Variants in WWOX observed in about 807,000 individuals in gnomAD.
WWOX encodes the protein WW domain-containing oxidoreductase.
WWOX carries 69 observed loss-of-function variants against 46.2 expected under a neutral mutation model. The observed-to-expected ratio is 1.49, with a 90% CI of 1.23 to 1.82. WWOX has a LOEUF of 1.82. Among genes scored for constraint, WWOX ranks in the 40% most tolerant of loss-of-function variants. The pLI is 0.00. For synonymous variants in WWOX, 359 were observed against 202.6 expected, an observed-to-expected ratio of 1.77 and a Z score of -6.56; for missense variants, 919 against 542.6, an observed-to-expected ratio of 1.69 and a Z score of -6.89.
chr16:78,450,139 A>T (rs2083658673), intron 8 of WWOX, among the ~76,000 whole-genome samples: 1 of 152,226 alleles, frequency 6.6e-6, no homozygotes, highest in African/African-American at 2.4e-5. Flanking sequence ...TTAAAAATGT[A>T]TAATAAAGTA....
chr16:78,605,656 A>C (rs1018656400), intron 8 of WWOX, among the ~76,000 whole-genome samples: 11 of 152,194 alleles, frequency 7.2e-5, no homozygotes, highest in African/African-American at 2.4e-4. Context: ...GCTATCCAGA[A>C]TTACAACTCC....
intron 5 of WWOX, among the ~76,000 whole-genome samples, chr16:78,214,711 C>T (rs577869553): frequency 6.6e-6 from 1 of 152,268 alleles, no homozygotes; most frequent in African/African-American, 2.4e-5. Flanking sequence ...CAGCAACGCT[C>T]CATTCAGTTT....
At chr16:78,719,765 G>C (rs947443555) in intron 8 of WWOX, among the ~76,000 whole-genome samples, 1 of 152,138 alleles carries the variant, frequency 6.6e-6, no homozygotes, top group Non-Finnish European at 1.5e-5. Flanking sequence ...ATCAAGTTAA[G>C]AATGAATTTG....
chr16:79,124,053 T>G (rs1343943426), intron 8 of WWOX, among the ~76,000 whole-genome samples: 2 of 152,172 alleles, frequency 1.3e-5, no homozygotes, highest in Non-Finnish European at 2.9e-5. Context: ...TTTCTTTGCC[T>G]CTTAAGTGTG....
At chr16:78,845,481 A>G (rs2052274683) in intron 8 of WWOX, among the ~76,000 whole-genome samples, 1 of 152,168 alleles carries the variant, frequency 6.6e-6, no homozygotes, top group Admixed American at 6.5e-5. Context: ...ATGCTCATGG[A>G]TTCTCTTTTA....
In WWOX at chr16:78,422,836, TATACATATACACACAC is replaced by T. The variant is rs2082978283; in HGVS notation, c.606-2032_606-2017del. 1.1e-4 allele frequency among the ~76,000 whole-genome samples: 12 copies of T among 106,704 alleles called. No individual in the cohort carries two copies. The South Asian group carries it at 2.4e-3, about 21-fold the overall frequency. The allele number at this position is 106,704 out of a possible 152,430, so 70.0% of individuals were successfully genotyped here. ...ATATATATACACACACATATATATA[TATACATATACACACAC>T]ACACACACACACACACACACACACA... On this transcript the variant is annotated intron_variant, in intron 6 of 8. Coordinates refer to ENST00000566780, the MANE Select transcript of WWOX (RefSeq NM_016373.4).
chr16:78,765,178 G>A (rs763110309), intron 8 of WWOX, among the ~76,000 whole-genome samples: 1 of 152,204 alleles, frequency 6.6e-6, no homozygotes, highest in African/African-American at 2.4e-5. Flanking sequence ...GTGGGGATTG[G>A]GGTGGGATAT....
At chr16:78,664,294 C>T (rs1003248146) in intron 8 of WWOX, among the ~76,000 whole-genome samples, 2 of 152,196 alleles carry the variant, frequency 1.3e-5, no homozygotes, top group African/African-American at 2.4e-5. Context: ...TCTTCATGTA[C>T]ACACCCTGAC....
chr16:78,837,129 AAAAG>A (rs2052008971), intron 8 of WWOX, among the ~76,000 whole-genome samples: 3 of 152,302 alleles, frequency 2.0e-5, no homozygotes, highest in African/African-American at 7.2e-5. Context: ...AAAAAGAAGA[AAAAG>A]AAAAAGAGCA....
intron 6 of WWOX, among the ~76,000 whole-genome samples, chr16:78,391,611 G>A (rs1374586145): frequency 6.6e-6 from 1 of 152,202 alleles, no homozygotes; most frequent in Non-Finnish European, 1.5e-5. Context: ...ACCTGGGGAG[G>A]CCGCAGTGGG....
intron 8 of WWOX, among the ~76,000 whole-genome samples, chr16:78,437,486 T>A (rs2083359167): frequency 6.6e-6 from 1 of 152,222 alleles, no homozygotes; most frequent in Non-Finnish European, 1.5e-5. Context: ...TTTGGCTGCC[T>A]GCAATATAAT....
chr16:78,484,990 A>T (rs1184169965), intron 8 of WWOX, among the ~76,000 whole-genome samples: 1 of 152,028 alleles, frequency 6.6e-6, no homozygotes, highest in East Asian at 1.9e-4. Flanking sequence ...CCTTCTGATG[A>T]GCTGACTAAC....
At chr16:78,537,628 A>G (rs1271926798) in intron 8 of WWOX, among the ~76,000 whole-genome samples, 1 of 152,116 alleles carries the variant, frequency 6.6e-6, no homozygotes, top group African/African-American at 2.4e-5. Context: ...AGGCTCGAAG[A>G]AAGAGCTTGG....
At chr16:78,318,728 T>A (rs1027760127) in intron 5 of WWOX, among the ~76,000 whole-genome samples, 7 of 152,190 alleles carry the variant, frequency 4.6e-5, no homozygotes, top group African/African-American at 1.7e-4. Context: ...CTGGCTATTT[T>A]AAAAATTATT....
chr16:78,145,652 G>C (rs2034173486), intron 4 of WWOX, among the ~76,000 whole-genome samples: 2 of 152,064 alleles, frequency 1.3e-5, no homozygotes, highest in African/African-American at 4.8e-5. Context: ...ACACACCCAG[G>C]AACAGCACCT....
At chr16:78,710,486 A>ATATATT (rs1555520976) in intron 8 of WWOX, among the ~76,000 whole-genome samples, 1 of 127,322 alleles carries the variant, frequency 7.9e-6, no homozygotes, top group Non-Finnish European at 1.7e-5. Context: ...ATATATATAT[A>ATATATT]TATATATATA....
rs868649142 is a variant in WWOX, at chr16:78,765,619, C to G, written c.1056+332867C>G. Among the ~76,000 whole-genome samples the G allele has an allele frequency of 2.6e-5, 4 of 152,104 alleles. 1 individual carries two copies. In the East Asian group the frequency reaches 7.7e-4, roughly 29 times the overall value. On this transcript the variant is annotated intron_variant, in intron 8 of 8. Transcript: ENST00000566780. ...GCTTGAACCCGGGAGGCAGACGTTG[C>G]AGTGAGCCGAGATTGTGCCACTGCA...
intron 5 of WWOX, among the ~76,000 whole-genome samples, chr16:78,249,752 C>T (rs1203997132): frequency 1.3e-5 from 2 of 151,946 alleles, no homozygotes; most frequent in Non-Finnish European, 2.9e-5. Flanking sequence ...CCCTTTCTTC[C>T]CAAGAATTGA....
chr16:78,503,540 C>G (rs2085120420), intron 8 of WWOX: 1 of 152,118 alleles, frequency 6.6e-6, no homozygotes, highest in South Asian at 2.1e-4. Flanking sequence ...TTTATTTTCT[C>G]TCTAAAAGCA....
Sources: gnomAD v4.1 joint callset for allele counts (sites outside exome capture counted in the v4.1 genomes callset) on GRCh38, gnomAD v4.1.1 for gene constraint, MANE v1.5 for transcripts, NCBI Gene and HGNC (gene_info 2026-07-23, HGNC 2026-07-21) for gene names.